Variants in GRM3 observed in about 807,000 individuals in gnomAD.
GRM3 encodes glutamate metabotropic receptor 3, also known as metabotropic glutamate receptor 3.
A neutral mutation model predicts 70.5 loss-of-function variants in GRM3; 26 were observed. The ratio of observed to expected loss-of-function variants is 0.37; its 90% CI spans 0.27 to 0.51. GRM3 has a LOEUF of 0.51. GRM3 is among the 20% of genes least tolerant of loss of function. The pLI is 0.93. For missense variants in GRM3, 859 were observed against 1,123.8 expected (o/e 0.76, Z 3.37); for synonymous variants, 443 against 434.9 (o/e 1.02, Z -0.23).
intron 1 of GRM3, among the ~76,000 whole-genome samples, chr7:86,720,330 T>C (rs1795427369): frequency 6.6e-6 from 1 of 151,994 alleles, no homozygotes; most frequent in African/African-American, 2.4e-5. Context: ...AAGTGTATCA[T>C]GTGGGGCATG....
chr7:86,715,877 T>C (rs1327708011), intron 1 of GRM3, among the ~76,000 whole-genome samples: 1 of 151,808 alleles, frequency 6.6e-6, no homozygotes, highest in Non-Finnish European at 1.5e-5. Flanking sequence ...AAAGTAAGGG[T>C]GGGGTAGAGT....
At chr7:86,695,445 G>C (rs1794794147) in intron 1 of GRM3, among the ~76,000 whole-genome samples, 2 of 152,092 alleles carry the variant, frequency 1.3e-5, no homozygotes, top group Admixed American at 6.6e-5. Flanking sequence ...ATAGGATAAA[G>C]AGGCCTAGAA....
intron 1 of GRM3, among the ~76,000 whole-genome samples, chr7:86,733,724 C>A (rs1380821180): frequency 6.6e-6 from 1 of 152,112 alleles, no homozygotes; most frequent in Non-Finnish European, 1.5e-5. Flanking sequence ...GAAAAACACT[C>A]GAAGAATCAT....
At chr7:86,854,645 T>C (rs960699767) in intron 5 of GRM3, among the ~76,000 whole-genome samples, 15 of 152,268 alleles carry the variant, frequency 9.9e-5, no homozygotes, top group African/African-American at 3.4e-4. Context: ...GTCCCACCCA[T>C]AGATATTCTG....
chr7:86,650,915 G>C (rs1793587834), intron 1 of GRM3, among the ~76,000 whole-genome samples: 1 of 152,178 alleles, frequency 6.6e-6, no homozygotes, highest in South Asian at 2.1e-4. Flanking sequence ...TCTTTACCCT[G>C]CTGAAGTAGT....
At position 86,786,338 on chromosome 7, in the gene GRM3, G is replaced by A. The variant is rs1332779996; in HGVS notation, c.546G>A (p.Ser182=). Residue 182 remains serine, a synonymous_variant, in exon 3 of 6, where the codon TCG becomes TCA. Transcript: ENST00000361669. This position sits in a 1 kb window ranked among gnomAD's most constrained non-coding sequence, Gnocchi z 6.0. ...CCAGCGCCAAACTCAGTGATAAGTCGCGCTATGATTACTTTGCCAGGACCG... is the reference window on the plus strand; with the variant it reads ...CCAGCGCCAAACTCAGTGATAAGTCACGCTATGATTACTTTGCCAGGACCG... ...ASTSAKLSDK[S]RYDYFARTVP... 2 of 1,614,092 alleles carry A rather than the reference G, an allele frequency of 1.2e-6. No homozygotes were observed. The highest frequency in any genetic ancestry group is 1.1e-5 in the South Asian group (1 of 91,082).
chr7:86,722,578 G>C (rs948637153), intron 1 of GRM3, among the ~76,000 whole-genome samples: 1 of 144,870 alleles, frequency 6.9e-6, no homozygotes, highest in Non-Finnish European at 1.5e-5. Context: ...TGGAAGGCAG[G>C]GGGGCATCAC....
intron 2 of GRM3, chr7:86,785,988 CAGAGT>C: frequency 2.8e-6 from 1 of 357,904 alleles, no homozygotes; most frequent in Non-Finnish European, 5.2e-6. Flanking sequence ...GAGTCTAGCA[CAGAGT>C]ATAGAAGAGA....
At chr7:86,806,458 G>T (rs1797795374) in intron 3 of GRM3, among the ~76,000 whole-genome samples, 1 of 152,062 alleles carries the variant, frequency 6.6e-6, no homozygotes, top group Non-Finnish European at 1.5e-5. Context: ...GTGTGAGATG[G>T]TATCTCATTG....
intron 3 of GRM3, among the ~76,000 whole-genome samples, chr7:86,835,111 C>A (rs1333686222): frequency 1.3e-5 from 2 of 151,512 alleles, no homozygotes; most frequent in African/African-American, 2.4e-5. Flanking sequence ...GGAAAGAGAC[C>A]AAGAGAAACA....
intron 1 of GRM3, among the ~76,000 whole-genome samples, chr7:86,708,176 C>T (rs991424280): frequency 6.6e-6 from 1 of 152,170 alleles, no homozygotes; most frequent in African/African-American, 2.4e-5. Flanking sequence ...AGGCCCTTTA[C>T]TCATGCAACC....
intron 1 of GRM3, among the ~76,000 whole-genome samples, chr7:86,679,573 C>A (rs701338): frequency 0.7 from 106,340 of 151,816 alleles, 37,767 homozygotes; most frequent in East Asian, 0.87. Context: ...CCAACGTTTT[C>A]AAAAGGAAGA....
intron 3 of GRM3, among the ~76,000 whole-genome samples, chr7:86,803,628 T>C (rs539958556): frequency 6.6e-6 from 1 of 152,242 alleles, no homozygotes; most frequent in Admixed American, 6.5e-5. Context: ...TTCTACTTTT[T>C]GCTGCCACTT....
At chr7:86,647,319 G>A (rs1793497765) in intron 1 of GRM3, among the ~76,000 whole-genome samples, 1 of 152,142 alleles carries the variant, frequency 6.6e-6, no homozygotes, top group Non-Finnish European at 1.5e-5. Flanking sequence ...TGAAGCATGA[G>A]GTTTTTCCAG....
In GRM3 at chr7:86,729,294, G is replaced by C. The variant is rs187366103; in HGVS notation, c.-140-35712G>C. On this transcript the variant is annotated intron_variant, in intron 1 of 5. Coordinates refer to ENST00000361669, the MANE Select transcript of GRM3 (RefSeq NM_000840.3). The stretch of plus-strand genomic sequence containing the variant: ...GTGATGATGATAGTGTTTACTGCTT[G>C]AGGATGTTGGAAGGATAAAGCGAGT... Among the ~76,000 whole-genome samples, 120 of 152,300 alleles carry C rather than the reference G, an allele frequency of 7.9e-4. No homozygotes were observed. The Middle Eastern group carries it at 0.02, about 26-fold the overall frequency.
intron 1 of GRM3, among the ~76,000 whole-genome samples, chr7:86,677,007 T>C (rs907604821): frequency 6.6e-6 from 1 of 151,998 alleles, no homozygotes; most frequent in African/African-American, 2.4e-5. Flanking sequence ...AAGCCTCATA[T>C]AGTCTTTAAG....
intron 4 of GRM3, among the ~76,000 whole-genome samples, chr7:86,849,468 A>T (rs1798718276): frequency 6.6e-6 from 1 of 152,156 alleles, no homozygotes; most frequent in Non-Finnish European, 1.5e-5. Context: ...TTCTAAAATT[A>T]TGTGGCTTCT....
chr7:86,649,216 C>G (rs1377549626), intron 1 of GRM3, among the ~76,000 whole-genome samples: 1 of 152,092 alleles, frequency 6.6e-6, no homozygotes, highest in African/African-American at 2.4e-5. Flanking sequence ...GTGGTGAGCA[C>G]CCTCCAAATG....
intron 2 of GRM3, among the ~76,000 whole-genome samples, chr7:86,773,257 G>A (rs1796792823): frequency 6.6e-6 from 1 of 151,948 alleles, no homozygotes; most frequent in Non-Finnish European, 1.5e-5. Flanking sequence ...TTGGGTTATT[G>A]TGGGAATTAA....
Sources: gnomAD v4.1 joint callset for allele counts (sites outside exome capture counted in the v4.1 genomes callset) on GRCh38, gnomAD v4.1.1 for gene constraint, Gnocchi (gnomAD v3.1) non-coding constraint, MANE v1.5 for transcripts, NCBI Gene and HGNC (gene_info 2026-07-23, HGNC 2026-07-21) for gene names.